The following CNGB1 variants were observed in gnomAD, a reference collection of about 807,000 sequenced individuals.
The protein encoded by CNGB1 is cyclic nucleotide gated channel subunit beta 1.
A neutral mutation model predicts 151.7 loss-of-function variants in CNGB1; 126 were observed. That is an observed-to-expected ratio of 0.83 (90% CI 0.72 to 0.96). CNGB1 has a LOEUF of 0.96. Ranked by LOEUF, CNGB1 falls within the 40% of genes least tolerant of loss-of-function variation. The pLI is 0.00. For synonymous variants in CNGB1, 623 were observed against 635.1 expected (o/e 0.98, Z 0.29); for missense variants, 1,698 against 1,627.0 (o/e 1.04, Z -0.75).
chr16:57,903,752 G>C (rs550383697), intron 27 of CNGB1, 70 bp downstream of exon 27: 6 of 1,569,570 alleles, frequency 3.8e-6, no homozygotes, highest in South Asian at 1.1e-5. Flanking sequence ...CGCCCCGAAG[G>C]CATGGCACCG....
chr16:57,961,661 AAT>A lies in CNGB1; in HGVS notation c.459-748_459-747del, dbSNP rs1962260126. 3.9e-5 allele frequency among the ~76,000 whole-genome samples: 6 copies of A among 152,248 alleles called. No individual in the cohort carries two copies. In the South Asian group the frequency reaches 6.2e-4, roughly 16 times the overall value. On this transcript the variant is annotated intron_variant, in intron 7 of 32. Coordinates refer to ENST00000251102, the MANE Select transcript of CNGB1 (RefSeq NM_001297.5). ...GAATGAATGAATGAATGAATGAATGAATGAATGAGTGAATGAAGTGTGTGATT... is the reference window on the plus strand; with the variant it reads ...GAATGAATGAATGAATGAATGAATGAGAATGAGTGAATGAAGTGTGTGATT...
At chr16:57,970,588 G>A (rs899868488) in intron 1 of CNGB1, among the ~76,000 whole-genome samples, 3 of 152,210 alleles carry the variant, frequency 2.0e-5, no homozygotes, top group African/African-American at 7.2e-5. Flanking sequence ...TTCCCAGCAG[G>A]CAGCAATTCT....
At chr16:57,958,387 C>A in intron 11 of CNGB1, 23 bp downstream of exon 11, 1 of 1,505,622 alleles carries the variant, frequency 6.6e-7, no homozygotes, top group East Asian at 2.4e-5. Flanking sequence ...CCAGGGCCAC[C>A]ACTCCATGAG....
chr16:57,895,112 G>C (rs1596952676), intron 31 of CNGB1, among the ~76,000 whole-genome samples: 1 of 152,124 alleles, frequency 6.6e-6, no homozygotes, highest in East Asian at 1.9e-4. Context: ...TTGGAGAAGA[G>C]ATTTACAAGT....
At chr16:57,948,829 G>C (rs1961872287) in intron 14 of CNGB1, among the ~76,000 whole-genome samples, 1 of 152,084 alleles carries the variant, frequency 6.6e-6, no homozygotes, top group Non-Finnish European at 1.5e-5. Context: ...GAACTCTTCT[G>C]TGTGTTTAAC....
Position 57,884,099 on chromosome 16 carries a change from A to AT in CNGB1, c.*64_*65insA, listed in dbSNP as rs1321259715. The AT allele has an allele frequency of 1.1e-4, 181 of 1,604,846 alleles. No individual in the cohort carries two copies. Among genetic ancestry groups the AT allele is most frequent in the Non-Finnish European group, 1.5e-4 (175 of 1,172,156 alleles). On this transcript the variant is annotated 3_prime_UTR_variant, in exon 33 of 33. Coordinates refer to ENST00000251102, the MANE Select transcript of CNGB1 (RefSeq NM_001297.5). Reference sequence around the variant, plus strand: ...GGGGGAAGGTGGGGCGCTGGGGCGCAGGGGCGCAGCGGGCGCTGGGGACAC... The same window carrying AT: ...GGGGGAAGGTGGGGCGCTGGGGCGCATGGGGCGCAGCGGGCGCTGGGGACAC...
chr16:57,962,465 C>T, intron 7 of CNGB1, 100 bp downstream of exon 7: 1 of 1,064,806 alleles, frequency 9.4e-7, no homozygotes, highest in Non-Finnish European at 1.5e-6. Flanking sequence ...TGTCCAAGGT[C>T]ACACCCTGAG....
chr16:57,965,994 C>T (rs1392858212), intron 2 of CNGB1, among the ~76,000 whole-genome samples: 2 of 152,160 alleles, frequency 1.3e-5, no homozygotes, highest in Non-Finnish European at 2.9e-5. Context: ...CACCCTATAC[C>T]TGTTTCCTAA....
In CNGB1 at chr16:57,967,308, A is replaced by G. The variant is rs1962425438; in HGVS notation, c.-8-14T>C. On this transcript the variant is annotated splice_polypyrimidine_tract_variant and intron_variant, in intron 1 of 32. Coordinates refer to ENST00000251102, the MANE Select transcript of CNGB1 (RefSeq NM_001297.5). ...ACATCCTGATGCCTGTAGGAGACAG[A>G]GTCCTTAGCCCTCCCTGGAGCACTC... 1 of 1,614,110 alleles carries G rather than the reference A, an allele frequency of 6.2e-7. No homozygotes were observed. Among genetic ancestry groups the G allele is most frequent in the Non-Finnish European group, 8.5e-7 (1 of 1,180,014 alleles).
chr16:57,964,241 A>C (rs1383271297), intron 3 of CNGB1, 39 bp from the exon 4 acceptor site: 2 of 1,590,654 alleles, frequency 1.3e-6, no homozygotes, highest in African/African-American at 2.7e-5. Context: ...CTAGGGCCTC[A>C]GACAGGCCCA....
At chr16:57,925,718 C>T (rs973807237) in intron 17 of CNGB1, among the ~76,000 whole-genome samples, 8 of 151,714 alleles carry the variant, frequency 5.3e-5, no homozygotes, top group African/African-American at 9.7e-5. Flanking sequence ...GATGGAGTCT[C>T]GCTCTGTTGC....
rs371750276 is a variant in CNGB1 at position 57,964,555 on chromosome 16, C to T, written c.160-11G>A. On this transcript the variant is annotated splice_polypyrimidine_tract_variant and intron_variant, in intron 2 of 32. Transcript: ENST00000251102. ...TGACTCTTCGGGGGGCTAGAGGGTT[C>T]GAACAGGATCATGTAAGTCCTAGGT... The T allele has an allele frequency of 1.9e-6, 3 of 1,613,942 alleles. No individual in the cohort carries two copies. The highest frequency in any genetic ancestry group is 2.7e-5 in the African/African-American group (2 of 74,926).
intron 1 of CNGB1, among the ~76,000 whole-genome samples, chr16:57,970,372 C>T (rs76919526): frequency 0.11 from 16,386 of 152,148 alleles, 1,054 homozygotes; most frequent in South Asian, 0.21. Context: ...CACCACGCCC[C>T]GCCCAGCCCC....
intron 9 of CNGB1, 57 bp from the exon 10 acceptor site, chr16:57,960,122 C>T (rs1156511491): frequency 6.5e-7 from 1 of 1,533,158 alleles, no homozygotes; most frequent in Non-Finnish European, 8.7e-7. Flanking sequence ...CTTCCTCCAA[C>T]CCCTCAAGGG....
Position 57,920,494 on chromosome 16 carries a change from TTGA to T in CNGB1, c.1691_1693del (p.Ile564del), listed in dbSNP as rs1326965741. 6.2e-7 allele frequency: 1 copy of T among 1,614,142 alleles called. No individual in the cohort carries two copies. The highest frequency in any genetic ancestry group is 1.1e-5 in the South Asian group (1 of 91,080). Reference sequence around the variant, plus strand: ...CTTCACCAGCTCCTGGAGCCGGTCGTTGATGATGGCGCTATTTGTGCTGGCCGT... The same window carrying T: ...CTTCACCAGCTCCTGGAGCCGGTCGTTGATGGCGCTATTTGTGCTGGCCGT... On this transcript the variant is annotated inframe_deletion, in exon 19 of 33. Transcript: ENST00000251102.
chr16:57,940,653 C>T (rs1221232410), intron 14 of CNGB1, among the ~76,000 whole-genome samples: 1 of 152,140 alleles, frequency 6.6e-6, no homozygotes, highest in Non-Finnish European at 1.5e-5. Context: ...GAAATGAGAA[C>T]AACATGTGCG....
intron 24 of CNGB1, among the ~76,000 whole-genome samples, chr16:57,912,110 ATGTG>A (rs3842348): frequency 6.6e-6 from 1 of 150,946 alleles, no homozygotes; most frequent in East Asian, 1.9e-4. Context: ...CAGAGGGGAA[ATGTG>A]TGTGTGTGTG....
Position 57,962,691 on chromosome 16 carries a change from G to A in CNGB1, c.413-81C>T, listed in dbSNP as rs9934276. On this transcript the variant is annotated intron_variant, in intron 6 of 32. Transcript: ENST00000251102. ...CCCTGGGCAGCCTGGAGTGGGCACC[G>A]AGAGCTCAGCTCAACCCCAGGTTCA... 8.1e-5 allele frequency: 126 copies of A among 1,563,810 alleles called. No homozygotes were observed. The African/African-American group carries it at 8.4e-4, about 10-fold the overall frequency.
intron 1 of CNGB1, among the ~76,000 whole-genome samples, chr16:57,967,767 A>G (rs933103867): frequency 2.0e-5 from 3 of 152,178 alleles, no homozygotes; most frequent in African/African-American, 7.2e-5. Flanking sequence ...TTACATATAT[A>G]CACACAGATA....
Sources: allele counts gnomAD v4.1 joint callset (sites outside exome capture counted in the v4.1 genomes callset), GRCh38; gene constraint gnomAD v4.1.1; transcripts MANE v1.5; gene names NCBI Gene and HGNC (gene_info 2026-07-23, HGNC 2026-07-21).